Variants in MCC observed in about 807,000 individuals in gnomAD.
MCC encodes the protein MCC regulator of Wnt signaling pathway, also known as colorectal mutant cancer protein.
MCC carries 90 observed loss-of-function variants against 116.2 expected under a neutral mutation model. That is an observed-to-expected ratio of 0.77 (90% confidence interval 0.65 to 0.92). The LOEUF (loss-of-function observed/expected upper bound fraction) is 0.92, where lower values mean the gene tolerates loss of function less well. Ranked by LOEUF, MCC falls within the 40% of genes least tolerant of loss-of-function variation. The pLI, the probability that MCC is intolerant of heterozygous loss-of-function variation, is 0.00. For synonymous variants in MCC, 578 were observed against 510.5 expected (o/e 1.13, Z -1.78); for missense variants, 1,516 against 1,312.2 (o/e 1.16, Z -2.40).
At chr5:113,412,989 G>A (rs1213274398) in intron 1 of MCC, among the ~76,000 whole-genome samples, 1 of 152,160 alleles carries the variant, frequency 6.6e-6, no homozygotes, top group African/African-American at 2.4e-5. Flanking sequence ...AAGAGTTGTT[G>A]AATTTTGTCA....
At chr5:113,273,624 T>C (rs569278362) in intron 3 of MCC, among the ~76,000 whole-genome samples, 2 of 152,188 alleles carry the variant, frequency 1.3e-5, no homozygotes, top group African/African-American at 2.4e-5. Context: ...TGTGTGTGTG[T>C]AGAGACTAAA....
intron 3 of MCC, among the ~76,000 whole-genome samples, chr5:113,269,414 C>G (rs951640853): frequency 3.9e-5 from 6 of 152,156 alleles, no homozygotes; most frequent in African/African-American, 1.4e-4. Flanking sequence ...AAAACACTTC[C>G]TTCATATCTC....
intron 3 of MCC, among the ~76,000 whole-genome samples, chr5:113,327,703 T>A (rs1314996812): frequency 2.0e-5 from 3 of 150,132 alleles, no homozygotes; most frequent in African/African-American, 4.9e-5. Context: ...AAAACAGAGC[T>A]GGAATTAACA....
chr5:113,411,075 A>T (rs1212915675), intron 1 of MCC, among the ~76,000 whole-genome samples: 1 of 152,166 alleles, frequency 6.6e-6, no homozygotes, highest in African/African-American at 2.4e-5. Context: ...ATACATGTGC[A>T]TGTGTCTTCA....
chr5:113,479,560 A>AAACG (rs1486177482), intron 1 of MCC, among the ~76,000 whole-genome samples: 3 of 152,104 alleles, frequency 2.0e-5, no homozygotes, highest in Non-Finnish European at 4.4e-5. Context: ...GTCCTCTTCC[A>AAACG]AATTGTCTCC....
At chr5:113,429,275 A>AAGAG (rs34689249) in intron 1 of MCC, among the ~76,000 whole-genome samples, 4,276 of 150,044 alleles carry the variant, frequency 0.028, 152 homozygotes, top group African/African-American at 0.081. Flanking sequence ...AAGAGACAGA[A>AAGAG]AGAGAGAGAG....
At chr5:113,238,864 T>C (rs1285358113) in intron 3 of MCC, among the ~76,000 whole-genome samples, 2 of 152,238 alleles carry the variant, frequency 1.3e-5, no homozygotes, top group Non-Finnish European at 2.9e-5. Context: ...TTAAAACATA[T>C]TTTCCAAAGA....
At chr5:113,206,884 G>GA (rs1762937275) in intron 3 of MCC, among the ~76,000 whole-genome samples, 1 of 152,146 alleles carries the variant, frequency 6.6e-6, no homozygotes, top group Non-Finnish European at 1.5e-5. Context: ...ATAGCTCTGT[G>GA]ATGTAAGCAA....
intron 3 of MCC, among the ~76,000 whole-genome samples, chr5:113,218,272 A>G (rs112164647): frequency 0.018 from 2,775 of 152,222 alleles, 89 homozygotes; most frequent in African/African-American, 0.063. Context: ...CCTGGCCTTC[A>G]ATAGTTTTAT....
Position 113,082,897 on chromosome 5 carries a change from T to C in MCC, c.1747A>G (p.Ile583Val). 4 of 1,614,216 alleles carry C rather than the reference T, an allele frequency of 2.5e-6. No individual in the cohort carries two copies. The highest frequency in any genetic ancestry group is 4.5e-5 in the East Asian group (2 of 44,886). Residue 583 changes from isoleucine (I) to valine (V), a missense_variant, in exon 11 of 19, where the codon ATT (isoleucine) becomes GTT (valine). Ile to Val is a conservative substitution (Grantham distance 29). Coordinates refer to ENST00000408903, the MANE Select transcript of MCC (RefSeq NM_001085377.2). Reference sequence around the variant, plus strand: ...TCTGTTTCCACCTCAAACTCTCTAATCTTGCTTTCTGAGATGGCAGATCCG... The same window carrying C: ...TCTGTTTCCACCTCAAACTCTCTAACCTTGCTTTCTGAGATGGCAGATCCG... ...SHGSAISESK[I>V]REFEVETERL... is the part of the protein sequence containing the mutation.
At chr5:113,356,184 C>T (rs544526400) in intron 2 of MCC, among the ~76,000 whole-genome samples, 1 of 151,630 alleles carries the variant, frequency 6.6e-6, no homozygotes, top group Admixed American at 6.6e-5. Flanking sequence ...GATCCTCCTG[C>T]CTCAGCCTCT....
chr5:113,266,130 CT>C (rs1349559231), intron 3 of MCC, among the ~76,000 whole-genome samples: 1 of 152,024 alleles, frequency 6.6e-6, no homozygotes, highest in Non-Finnish European at 1.5e-5. Context: ...AACTGTTGTT[CT>C]TTTTATAGTT....
At chr5:113,479,620 C>T (rs554445631) in intron 1 of MCC, among the ~76,000 whole-genome samples, 4 of 152,186 alleles carry the variant, frequency 2.6e-5, no homozygotes, top group African/African-American at 9.6e-5. Flanking sequence ...TCTTGAGCTA[C>T]CTCAAGGGGA....
chr5:113,072,639 G>A (rs1754117742), intron 11 of MCC, among the ~76,000 whole-genome samples: 1 of 152,082 alleles, frequency 6.6e-6, no homozygotes, highest in Non-Finnish European at 1.5e-5. Flanking sequence ...TTTCCTCTCA[G>A]TCTCCTTTGC....
At chr5:113,308,803 C>A (rs1767062591) in intron 3 of MCC, among the ~76,000 whole-genome samples, 1 of 148,424 alleles carries the variant, frequency 6.7e-6, no homozygotes, top group African/African-American at 2.5e-5. Flanking sequence ...ACCCTAAGAC[C>A]CTGCAAAAAA....
Position 113,420,874 on chromosome 5 carries a change from T to G in MCC, c.171-35662A>C, listed in dbSNP as rs748534527. 8.5e-5 allele frequency among the ~76,000 whole-genome samples: 13 copies of G among 152,168 alleles called. 1 individual carries two copies. The highest frequency in any genetic ancestry group is 1.6e-4 in the Non-Finnish European group (11 of 68,032). On this transcript the variant is annotated intron_variant, in intron 1 of 18. Transcript: ENST00000408903. ...GGGGATATATCAGGCAGTTAGCTCT[T>G]TTTGCTATTTGGAATCAAAGGATTC...
At chr5:113,346,620 A>T (rs1768139650) in intron 2 of MCC, among the ~76,000 whole-genome samples, 1 of 133,064 alleles carries the variant, frequency 7.5e-6, no homozygotes, top group Admixed American at 8.4e-5. Context: ...ACAAACAACA[A>T]CAACAACAAC....
In MCC at chr5:113,084,149, C is replaced by T. The variant is rs370260130; in HGVS notation, c.1587G>A (p.Ser529=). 1.4e-4 allele frequency: 231 copies of T among 1,614,026 alleles called. No individual in the cohort carries two copies. Among genetic ancestry groups the T allele is most frequent in the Non-Finnish European group, 1.8e-4 (213 of 1,180,018 alleles). ...RVKLSKTRSE[S]SSSDRPVLGS... is the part of the protein sequence containing the mutation. ...CCAGGACTGGCCGATCAGATGATGA[C>T]GATTCGGACCTTGTCTTTGATAGCT... Residue 529 remains serine, a synonymous_variant, in exon 10 of 19, where the codon TCG becomes TCA. Coordinates refer to ENST00000408903, the MANE Select transcript of MCC (RefSeq NM_001085377.2).
chr5:113,239,915 G>A (rs1455605842), intron 3 of MCC, among the ~76,000 whole-genome samples: 3 of 152,136 alleles, frequency 2.0e-5, no homozygotes. Context: ...CCATTTAGGT[G>A]ACTGAGTCTC....
Sources: allele counts gnomAD v4.1 joint callset (sites outside exome capture counted in the v4.1 genomes callset), GRCh38; gene constraint gnomAD v4.1.1; transcripts MANE v1.5; gene names NCBI Gene and HGNC (gene_info 2026-07-23, HGNC 2026-07-21).